Variants in LDHB observed in about 807,000 individuals in gnomAD.
LDHB encodes L-lactate dehydrogenase B chain.
In LDHB, 18 loss-of-function variants were observed where a neutral mutation model predicts 33.4. The observed-to-expected ratio is 0.54, with a 90% CI of 0.37 to 0.80. The LOEUF (loss-of-function observed/expected upper bound fraction) is 0.80. Ranked by LOEUF, LDHB falls within the 30% of genes least tolerant of loss-of-function variation. LDHB has a pLI of 0.00. For synonymous variants in LDHB, 121 were observed against 140.6 expected (o/e 0.86, Z 0.98); for missense variants, 345 against 407.9 (o/e 0.85, Z 1.33).
intron 3 of LDHB, among the ~76,000 whole-genome samples, chr12:21,644,375 T>C (rs1049014557): frequency 1.0e-5 from 1 of 96,260 alleles, no homozygotes; most frequent in Non-Finnish European, 2.0e-5. Context: ...ATTCAATGAA[T>C]TGTCAGGAAT....
Position 21,641,575 on chromosome 12 carries a change from T to C in LDHB, c.595+377A>G, listed in dbSNP as rs117361678. Among the ~76,000 whole-genome samples the C allele has an allele frequency of 1.6e-3, 236 of 152,246 alleles. 1 individual carries two copies. Among genetic ancestry groups the C allele is most frequent in the South Asian group, 3.9e-3 (19 of 4,826 alleles). On this transcript the variant is annotated intron_variant, in intron 5 of 7. Transcript: ENST00000350669. Reference sequence around the variant, plus strand: ...GCTTTAGAGGACACTATTGAGACAGTTGATAACTTGTGAATAATGGACTCT... The same window carrying C: ...GCTTTAGAGGACACTATTGAGACAGCTGATAACTTGTGAATAATGGACTCT...
chr12:21,653,657 C>T (rs1038068087), intron 2 of LDHB, among the ~76,000 whole-genome samples: 5 of 55,968 alleles, frequency 8.9e-5, no homozygotes, highest in East Asian at 5.8e-4. Context: ...TATATATATA[C>T]ACATATATGT....
chr12:21,637,627 C>T (rs1275024106), intron 6 of LDHB, among the ~76,000 whole-genome samples: 1 of 152,064 alleles, frequency 6.6e-6, no homozygotes, highest in African/African-American at 2.4e-5. Context: ...ATAAGAGTAT[C>T]TTGCCTGACA....
chr12:21,637,723 G>A lies in LDHB; in HGVS notation c.714-529C>T, dbSNP rs74066772. 1.5e-3 allele frequency among the ~76,000 whole-genome samples: 231 copies of A among 152,004 alleles called. 1 individual carries two copies. Among genetic ancestry groups the A allele is most frequent in the African/African-American group, 5.2e-3 (217 of 41,500 alleles). ...GCAGGAATAACTCTAGCTGAGTATTGGAAAATTAGGATTTAATGCAATTGA... is the reference window on the plus strand; with the variant it reads ...GCAGGAATAACTCTAGCTGAGTATTAGAAAATTAGGATTTAATGCAATTGA... On this transcript the variant is annotated intron_variant, in intron 6 of 7. Transcript: ENST00000350669.
At chr12:21,637,011 A>G (rs1938237233) in intron 7 of LDHB, 60 bp downstream of exon 7, 1 of 1,374,240 alleles carries the variant, frequency 7.3e-7, no homozygotes, top group African/African-American at 1.4e-5. Flanking sequence ...TCTTTAAATG[A>G]ATCTTTTTGT....
At chr12:21,655,978 G>C (rs1938832739) in intron 1 of LDHB, among the ~76,000 whole-genome samples, 1 of 152,112 alleles carries the variant, frequency 6.6e-6, no homozygotes, top group Non-Finnish European at 1.5e-5. Flanking sequence ...TATAATTGTA[G>C]TAGCCCATTG....
chr12:21,640,506 A>T (rs1938346690), intron 5 of LDHB, among the ~76,000 whole-genome samples: 8 of 152,058 alleles, frequency 5.3e-5, no homozygotes, highest in Non-Finnish European at 8.8e-5. Flanking sequence ...TAGTTTATTA[A>T]AAATAAGATT....
chr12:21,644,217 T>A, intron 3 of LDHB, 109 bp from the exon 4 acceptor site: 1 of 794,468 alleles, frequency 1.3e-6, no homozygotes, highest in East Asian at 2.6e-5. Context: ...CTAGAACATA[T>A]ATGTGAATTA....
chr12:21,655,808 A>G (rs1210823136), intron 1 of LDHB, among the ~76,000 whole-genome samples: 1 of 152,238 alleles, frequency 6.6e-6, no homozygotes, highest in Non-Finnish European at 1.5e-5. Context: ...GTGCCATCAG[A>G]TAACCAGATG....
chr12:21,642,195 C>T (rs1938394575), intron 4 of LDHB, 70 bp from the exon 5 acceptor site: 1 of 1,074,556 alleles, frequency 9.3e-7, no homozygotes, highest in Non-Finnish European at 1.4e-6. Context: ...GCTTGGGGTG[C>T]CCTGGCTTCC....
At chr12:21,646,074 T>C in intron 3 of LDHB, among the ~76,000 whole-genome samples, 1 of 152,160 alleles carries the variant, frequency 6.6e-6, no homozygotes. Context: ...ATACTTGAGT[T>C]TAACCTTAAG....
intron 2 of LDHB, among the ~76,000 whole-genome samples, chr12:21,650,152 G>GTATATA (rs1565629932): frequency 0.099 from 4,371 of 44,020 alleles, 98 homozygotes; most frequent in South Asian, 0.14. Context: ...ACACACACAC[G>GTATATA]TCTCTCTCTC....
intron 5 of LDHB, among the ~76,000 whole-genome samples, chr12:21,639,613 T>C (rs1036759217): frequency 1.3e-5 from 2 of 152,086 alleles, no homozygotes; most frequent in African/African-American, 2.4e-5. Context: ...TTGTACTAAG[T>C]ACTTTTTACA....
chr12:21,635,721 A>G lies in LDHB; in HGVS notation c.838-12T>C. The stretch of plus-strand genomic sequence containing the variant: ...ATGCCATACATCCCCTGCCAGAACA[A>G]CAAAGCATCGAGATTAAGACATGAA... On this transcript the variant is annotated splice_polypyrimidine_tract_variant and intron_variant, in intron 7 of 7. Transcript: ENST00000350669. The G allele has an allele frequency of 1.9e-6, 3 of 1,612,742 alleles. No individual in the cohort carries two copies. Among genetic ancestry groups the G allele is most frequent in the East Asian group, 2.2e-5 (1 of 44,858 alleles).
chr12:21,635,611 A>G lies in LDHB; in HGVS notation c.936T>C (p.Asp312=). 1 of 1,613,426 alleles carries G rather than the reference A, an allele frequency of 6.2e-7. No individual in the cohort carries two copies. Among genetic ancestry groups the G allele is most frequent in the Non-Finnish European group, 8.5e-7 (1 of 1,179,950 alleles). The change falls in exon 8 of 8, where the codon GAT becomes GAC. Residue 312 remains aspartate (D), a synonymous_variant. Coordinates refer to ENST00000350669, the MANE Select transcript of LDHB (RefSeq NM_002300.8). ...TSVINQKLKD[D]EVAQLKKSAD... is the part of the protein sequence containing the mutation. ...CACTTTTCTTGAGCTGAGCAACCTC[A>G]TCATCCTTTAGCTTCTGGTTGATAA...
At chr12:21,642,887 T>C (rs1346963547) in intron 4 of LDHB, among the ~76,000 whole-genome samples, 1 of 152,240 alleles carries the variant, frequency 6.6e-6, no homozygotes, top group African/African-American at 2.4e-5. Flanking sequence ...TTGCCAACTT[T>C]GATTCCATGG....
At chr12:21,637,448 A>G (rs770822378) in intron 6 of LDHB, 1 of 336,302 alleles carries the variant, frequency 3.0e-6, no homozygotes, top group Non-Finnish European at 5.4e-6. Flanking sequence ...AGATTTATAA[A>G]GTCACTGTGG....
chr12:21,656,960 C>T (rs942297512), intron 1 of LDHB: 1 of 152,030 alleles, frequency 6.6e-6, no homozygotes, highest in African/African-American at 2.4e-5. Context: ...TTGAATTCCT[C>T]CCCTCCCCCC....
At chr12:21,647,325 T>C (rs545113858) in intron 2 of LDHB, among the ~76,000 whole-genome samples, 2 of 152,278 alleles carry the variant, frequency 1.3e-5, no homozygotes, top group East Asian at 3.9e-4. Flanking sequence ...AGAAACAACC[T>C]TGGGCAATGT....
Sources: gnomAD v4.1 joint callset for allele counts (sites outside exome capture counted in the v4.1 genomes callset) on GRCh38, gnomAD v4.1.1 for gene constraint, MANE v1.5 for transcripts, NCBI Gene and HGNC (gene_info 2026-07-23, HGNC 2026-07-21) for gene names.